Variants in LRRC37B observed in about 807,000 individuals in gnomAD.
LRRC37B encodes the protein leucine-rich repeat-containing protein 37B.
LRRC37B carries 28 observed loss-of-function variants against 98.3 expected under a neutral mutation model. The ratio of observed to expected loss-of-function variants is 0.28; its 90% CI spans 0.21 to 0.39. The LOEUF is 0.39. Ranked by LOEUF, LRRC37B falls within the 10% of genes least tolerant of loss-of-function variation. The pLI, the probability that LRRC37B is intolerant of heterozygous loss-of-function variation, is 1.00. For synonymous variants in LRRC37B, 364 were observed against 442.7 expected (o/e 0.82, Z 2.23); for missense variants, 938 against 1,182.7 (o/e 0.79, Z 3.03).
intron 8 of LRRC37B, among the ~76,000 whole-genome samples, chr17:32,046,591 CTTTTTTTCTTTTTT>C (rs1911587441): frequency 1.5e-5 from 2 of 133,658 alleles, no homozygotes; most frequent in African/African-American, 2.9e-5. Context: ...AAAACTTTTT[CTTTTTTTCTTTTTT>C]TTTTTTTTTT....
chr17:32,039,558 TC>T (rs1911363891), intron 7 of LRRC37B, among the ~76,000 whole-genome samples: 1 of 122,966 alleles, frequency 8.1e-6, no homozygotes, highest in African/African-American at 3.2e-5. Context: ...ATATATATAT[TC>T]TATATATATA....
intron 5 of LRRC37B, among the ~76,000 whole-genome samples, chr17:32,032,321 C>T (rs1175249035): frequency 6.6e-6 from 1 of 151,744 alleles, no homozygotes; most frequent in African/African-American, 2.4e-5. Context: ...GGGTTACAGG[C>T]GTGAGCCACC....
chr17:32,019,579 T>A (rs114870519), upstream of LRRC37B, among the ~76,000 whole-genome samples: 1,764 of 152,266 alleles, frequency 0.012, 32 homozygotes, highest in African/African-American at 0.039. Context: ...GATTTTTTTT[T>A]AAAAAGGGAG....
chr17:32,021,160 G>A (rs757844377), exon 1 of LRRC37B: 18 of 1,613,840 alleles, frequency 1.1e-5, no homozygotes, highest in African/African-American at 9.3e-5. Flanking sequence ...TCTTGGCTGC[G>A]TTTCTGGGGC....
At chr17:32,046,599 CTTTTTT>C (rs796570580) in intron 8 of LRRC37B, among the ~76,000 whole-genome samples, 3 of 132,826 alleles carry the variant, frequency 2.3e-5, no homozygotes, top group African/African-American at 5.4e-5. Context: ...TTCTTTTTTT[CTTTTTT>C]TTTTTTTTTT....
At chr17:32,020,869 G>T, upstream of LRRC37B, 2 of 753,548 alleles carry the variant, frequency 2.7e-6, no homozygotes, top group East Asian at 5.5e-5. Flanking sequence ...ACAGCAGGCC[G>T]CTGGAGTCCT....
chr17:32,020,915 A>G (rs1910752149), upstream of LRRC37B: 1 of 1,405,370 alleles, frequency 7.1e-7, no homozygotes, highest in Non-Finnish European at 9.4e-7. Flanking sequence ...ATCCTTCCTC[A>G]CTAAGGGGAG....
chr17:32,007,881 G>T, upstream of LRRC37B: 2 of 1,037,366 alleles, frequency 1.9e-6, no homozygotes, highest in Non-Finnish European at 1.2e-6. This position sits in a 1 kb window ranked among gnomAD's most constrained non-coding sequence, Gnocchi z 4.1. Context: ...CGGCGGGGGC[G>T]CGGGGGCAGC....
chr17:32,025,030 G>GTTTT lies in LRRC37B; in HGVS notation c.1832+267_1832+270dup, dbSNP rs772444987. Among the ~76,000 whole-genome samples the GTTTT allele has an allele frequency of 8.2e-3, 573 of 69,912 alleles. 105 individuals carry two copies. Among genetic ancestry groups the GTTTT allele is most frequent in the African/African-American group, 0.023 (434 of 18,550 alleles). The allele number at this position is 69,912 out of a possible 152,430, so 45.9% of individuals were successfully genotyped here. On this transcript the variant is annotated intron_variant, in intron 2 of 11. Coordinates refer to ENST00000327564, the Ensembl canonical transcript of LRRC37B. ...CATGGTTATATTCTTTTTTTTCCTC[G>GTTTT]TTTTTTTTTTTTTTTTTTTTTTCAG...
At position 32,053,228 on chromosome 17, in the gene LRRC37B, G is replaced by A. The variant is rs777930345; in HGVS notation, c.2863-38G>A. On this transcript the variant is annotated intron_variant, in intron 11 of 11. Coordinates refer to ENST00000327564, the Ensembl canonical transcript of LRRC37B. ...ATACACATTGGAGATAGTGGTTGTT[G>A]TGATAGATAACCTTAATTGTGTTTT... 67 of 1,451,790 alleles carry A rather than the reference G, an allele frequency of 4.6e-5. No homozygotes were observed. The Admixed American group carries it at 1.2e-3, about 26-fold the overall frequency. The allele number at this position is 1,451,790 out of a possible 1,614,324, so 89.9% of individuals were successfully genotyped here.
chr17:32,023,238 C>G (rs1178896716), intron 1 of LRRC37B, among the ~76,000 whole-genome samples: 3 of 151,872 alleles, frequency 2.0e-5, no homozygotes, highest in Non-Finnish European at 2.9e-5. Context: ...TCTCCTGCCT[C>G]AGCCTCCTGA....
intron 11 of LRRC37B, chr17:32,050,903 A>G (rs1319649802): frequency 1.3e-5 from 2 of 152,162 alleles, no homozygotes; most frequent in African/African-American, 4.8e-5. Flanking sequence ...GTGATGTATT[A>G]CTTTTCCCAG....
intron 9 of LRRC37B, 85 bp downstream of exon 12, chr17:32,047,986 G>A (rs1911639813): frequency 6.2e-7 from 1 of 1,608,942 alleles, no homozygotes; most frequent in Non-Finnish European, 8.5e-7. Context: ...GGAAATCTAG[G>A]TGCAGAATCA....
At chr17:32,024,243 G>T (rs1054059938) in intron 1 of LRRC37B, among the ~76,000 whole-genome samples, 1 of 152,030 alleles carries the variant, frequency 6.6e-6, no homozygotes, top group African/African-American at 2.4e-5. Flanking sequence ...CAGATCAGTT[G>T]TAATAAGAGT....
intron 1 of LRRC37B, among the ~76,000 whole-genome samples, chr17:32,013,028 G>A (rs78441483): frequency 1.3e-5 from 2 of 151,864 alleles, no homozygotes; most frequent in African/African-American, 4.8e-5. Context: ...AAAACAGACA[G>A]ACAAACAAAA....
chr17:32,022,504 T>C (rs745971178), exon 1 of LRRC37B: 1 of 1,613,378 alleles, frequency 6.2e-7, no homozygotes, highest in Non-Finnish European at 8.5e-7. Context: ...GGGCTTGCCA[T>C]AACTCCAGAA....
chr17:32,021,311 C>T (rs1319222239), exon 1 of LRRC37B: 1 of 1,613,774 alleles, frequency 6.2e-7, no homozygotes, highest in East Asian at 2.2e-5. Flanking sequence ...CCTCCCATCT[C>T]CCATGGGAAT....
chr17:32,032,897 C>A (rs537747858), intron 5 of LRRC37B, among the ~76,000 whole-genome samples: 318 of 152,272 alleles, frequency 2.1e-3, no homozygotes, highest in Non-Finnish European at 3.1e-3. Flanking sequence ...GGAGCGGTGG[C>A]TCATGCCTGT....
upstream of LRRC37B, among the ~76,000 whole-genome samples, chr17:32,020,264 A>T (rs1197254844): frequency 6.6e-6 from 1 of 152,212 alleles, no homozygotes. Context: ...TAAAATAGGT[A>T]AGGGCTGTGG....
Sources: allele counts gnomAD v4.1 joint callset (sites outside exome capture counted in the v4.1 genomes callset), GRCh38; gene constraint gnomAD v4.1.1; non-coding constraint Gnocchi (gnomAD v3.1); transcripts MANE v1.5; gene names NCBI Gene and HGNC (gene_info 2026-07-23, HGNC 2026-07-21).